The following ABCD3 variants were observed in gnomAD, a reference collection of about 807,000 sequenced individuals.
ABCD3 encodes the protein ATP-binding cassette sub-family D member 3.
ABCD3 carries 41 observed loss-of-function variants against 105.5 expected under a neutral mutation model. The observed-to-expected ratio is 0.39, with a 90% CI of 0.30 to 0.50. The LOEUF (loss-of-function observed/expected upper bound fraction) is 0.50, where lower values mean the gene tolerates loss of function less well. Ranked by LOEUF, ABCD3 falls within the 20% of genes least tolerant of loss-of-function variation. The pLI, the probability that ABCD3 is intolerant of heterozygous loss-of-function variation, is 0.84. For missense variants in ABCD3, 622 were observed against 806.3 expected (o/e 0.77, Z 2.77); for synonymous variants, 258 against 269.0 (o/e 0.96, Z 0.40).
intron 1 of ABCD3, among the ~76,000 whole-genome samples, chr1:94,448,462 G>A (rs1660441498): frequency 6.6e-6 from 1 of 152,182 alleles, no homozygotes; most frequent in Admixed American, 6.5e-5. Flanking sequence ...TTACAGATGG[G>A]TCTAGTAACG....
chr1:94,395,508 A>G, the ABCD3 span, among the ~76,000 whole-genome samples: 4 of 152,160 alleles, frequency 2.6e-5, no homozygotes, highest in East Asian at 7.7e-4. Context: ...ATTATCACCA[A>G]TCAAGGAGAC....
In ABCD3 at chr1:94,517,199, T is replaced by C. The variant is rs1226895793; in HGVS notation, c.*70T>C. 1.3e-5 allele frequency: 15 copies of C among 1,189,282 alleles called. No homozygotes were observed. Among genetic ancestry groups the C allele is most frequent in the African/African-American group, 3.0e-5 (2 of 66,168 alleles). 73.7% of individuals were successfully genotyped at this position (1,189,282 alleles called of 1,614,324 possible). A position where few individuals can be genotyped will look rare whatever the true frequency, so the allele number is the denominator to read the frequency against. On this transcript the variant is annotated 3_prime_UTR_variant, in exon 23 of 23. Coordinates refer to ENST00000370214, the MANE Select transcript of ABCD3 (RefSeq NM_002858.4). ...ATATACTTAGAAAGGCAAAGTACAT[T>C]GTAAAATAAAGTTGAGCTTAGTTTT...
chr1:94,486,851 G>C (rs1458847642), intron 10 of ABCD3, among the ~76,000 whole-genome samples: 1 of 152,194 alleles, frequency 6.6e-6, no homozygotes, highest in Non-Finnish European at 1.5e-5. Context: ...GTTATTTCTG[G>C]AGCTTGGTGA....
chr1:94,409,393 T>C, the ABCD3 span, among the ~76,000 whole-genome samples: 1 of 152,228 alleles, frequency 6.6e-6, no homozygotes, highest in Non-Finnish European at 1.5e-5. Flanking sequence ...AAATTCATCT[T>C]ATTTTTTTAA....
intron 4 of ABCD3, among the ~76,000 whole-genome samples, chr1:94,471,201 G>C (rs1279072596): frequency 1.3e-5 from 2 of 152,106 alleles, no homozygotes; most frequent in East Asian, 3.9e-4. Flanking sequence ...TTTTGTATGA[G>C]TTTCTGAACC....
chr1:94,485,283 G>C lies in ABCD3; in HGVS notation c.897+2044G>C, dbSNP rs138339536. Reference sequence around the variant, plus strand: ...GTCTAGTTGCCTGTGCTCACTCCAGGTGCTAAGGATGATGGTGGTGGACAT... The same window carrying C: ...GTCTAGTTGCCTGTGCTCACTCCAGCTGCTAAGGATGATGGTGGTGGACAT... On this transcript the variant is annotated intron_variant, in intron 10 of 22. Coordinates refer to ENST00000370214, the MANE Select transcript of ABCD3 (RefSeq NM_002858.4). 1.1e-4 allele frequency among the ~76,000 whole-genome samples: 16 copies of C among 152,202 alleles called. No homozygotes were observed. The East Asian group carries it at 3.1e-3, about 29-fold the overall frequency.
chr1:94,410,533 A>T, the ABCD3 span, among the ~76,000 whole-genome samples: 1 of 152,148 alleles, frequency 6.6e-6, no homozygotes. Flanking sequence ...ACTTTTGATC[A>T]TCAAAGCTTA....
intron 1 of ABCD3, among the ~76,000 whole-genome samples, chr1:94,439,547 C>T (rs1372855163): frequency 6.6e-6 from 1 of 152,128 alleles, no homozygotes; most frequent in Non-Finnish European, 1.5e-5. Context: ...GAGGCTGATA[C>T]AGGAGAACGT....
chr1:94,468,297 A>T (rs1203428985), intron 4 of ABCD3, among the ~76,000 whole-genome samples: 1 of 152,254 alleles, frequency 6.6e-6, no homozygotes, highest in Non-Finnish European at 1.5e-5. Context: ...ATTAAAATGC[A>T]GCATAATAAG....
chr1:94,394,811 T>C, the ABCD3 span, among the ~76,000 whole-genome samples: 1 of 152,048 alleles, frequency 6.6e-6, no homozygotes, highest in African/African-American at 2.4e-5. Flanking sequence ...GCCAAAAGAG[T>C]TCAGTTGGGA....
the ABCD3 span, among the ~76,000 whole-genome samples, chr1:94,389,889 T>C: frequency 6.6e-6 from 1 of 152,228 alleles, no homozygotes; most frequent in South Asian, 2.1e-4. Flanking sequence ...ATTAGCATGA[T>C]ATTATTAATA....
Position 94,517,981 on chromosome 1 carries a change from G to T in ABCD3, c.*852G>T, listed in dbSNP as rs1366118304. The stretch of plus-strand genomic sequence containing the variant: ...TCATTAGAAGTGTGGTGGTTATTTG[G>T]TATTAAACTCCAAATGAGCCATAGG... On this transcript the variant is annotated 3_prime_UTR_variant, in exon 23 of 23. Coordinates refer to ENST00000370214, the MANE Select transcript of ABCD3 (RefSeq NM_002858.4). 1 of 151,748 alleles carries T rather than the reference G, an allele frequency of 6.6e-6. No homozygotes were observed. Among genetic ancestry groups the T allele is most frequent in the African/African-American group, 2.4e-5 (1 of 41,350 alleles). The allele number at this position is 151,748 out of a possible 1,614,324, so 9.4% of individuals were successfully genotyped here.
chr1:94,478,660 G>A, intron 8 of ABCD3: 3 of 942,332 alleles, frequency 3.2e-6, no homozygotes, highest in African/African-American at 1.7e-5. Context: ...AGACAAGCCT[G>A]GACAAAAAGC....
intron 9 of ABCD3, chr1:94,482,772 T>C (rs1570802116): frequency 5.2e-6 from 1 of 191,682 alleles, no homozygotes; most frequent in Admixed American, 5.5e-5. Flanking sequence ...CATCTTTTTC[T>C]AGCTGTTGCT....
intron 10 of ABCD3, among the ~76,000 whole-genome samples, chr1:94,485,638 G>C (rs531647367): frequency 1.3e-5 from 2 of 152,106 alleles, no homozygotes; most frequent in African/African-American, 4.8e-5. Flanking sequence ...TATTTGAAAT[G>C]GCCTCCAACA....
intron 21 of ABCD3, chr1:94,513,538 A>G (rs1014578106): frequency 1.4e-4 from 21 of 152,118 alleles, no homozygotes; most frequent in African/African-American, 4.8e-5. Flanking sequence ...ATATAAACTT[A>G]CACATTAAAT....
At chr1:94,498,714 T>C in intron 17 of ABCD3, 35 bp downstream of exon 17, 1 of 1,613,420 alleles carries the variant, frequency 6.2e-7, no homozygotes, top group Non-Finnish European at 8.5e-7. Context: ...TTTGCAGTCT[T>C]ATTTTGCCAT....
rs1214310163 is a variant in ABCD3, at chr1:94,446,644, T to C, written c.111-11963T>C. ...GGGTGAATCAAATTACTGATAAATG[T>C]CCTACCTGTGAAATAACTATTCAGG... On this transcript the variant is annotated intron_variant, in intron 1 of 22. Transcript: ENST00000370214. 2.0e-5 allele frequency among the ~76,000 whole-genome samples: 3 copies of C among 152,184 alleles called. No homozygotes were observed. The East Asian group carries it at 5.8e-4, about 29-fold the overall frequency.
the ABCD3 span, among the ~76,000 whole-genome samples, chr1:94,393,834 A>C: frequency 6.6e-6 from 1 of 152,202 alleles, no homozygotes; most frequent in Admixed American, 6.5e-5. Flanking sequence ...AGATCTTTCC[A>C]ATACGATTGA....
Sources: gnomAD v4.1 joint callset for allele counts (sites outside exome capture counted in the v4.1 genomes callset) on GRCh38, gnomAD v4.1.1 for gene constraint, MANE v1.5 for transcripts, NCBI Gene and HGNC (gene_info 2026-07-23, HGNC 2026-07-21) for gene names.